PLCE1: variants seen among roughly 807,000 people sequenced by gnomAD.
PLCE1 encodes the protein phospholipase C epsilon 1, also known as 1-phosphatidylinositol 4,5-bisphosphate phosphodiesterase epsilon-1.
A neutral mutation model predicts 242.8 loss-of-function variants in PLCE1; 119 were observed. That is an observed-to-expected ratio of 0.49 (90% CI 0.42 to 0.57). The LOEUF (loss-of-function observed/expected upper bound fraction) is 0.57. Among genes scored for constraint, PLCE1 ranks in the 20% least tolerant of loss-of-function variants. The probability of loss-of-function intolerance (pLI) is 0.00; values close to 1 mark genes in which losing one functional copy is unlikely to be tolerated. For missense variants in PLCE1, 2,441 were observed against 2,788.8 expected (o/e 0.88, Z 2.81); for synonymous variants, 945 against 1,017.4 (o/e 0.93, Z 1.35).
chr10:94,192,716 G>A (rs769421580), intron 4 of PLCE1, among the ~76,000 whole-genome samples: 13 of 152,096 alleles, frequency 8.5e-5, no homozygotes, highest in Non-Finnish European at 1.6e-4. Context: ...TTGCTGGGTC[G>A]AATAGTAGTT....
At chr10:94,323,095 AAT>A (rs2053880742) in intron 30 of PLCE1, among the ~76,000 whole-genome samples, 1 of 152,182 alleles carries the variant, frequency 6.6e-6, no homozygotes, top group Non-Finnish European at 1.5e-5. Flanking sequence ...CTGCAGTGAC[AAT>A]GTCATGGTCC....
At chr10:94,107,986 G>A (rs1564695454) in intron 2 of PLCE1, 1 of 152,168 alleles carries the variant, frequency 6.6e-6, no homozygotes, top group Non-Finnish European at 1.5e-5. Context: ...GATGGACTGT[G>A]GATCTAACCA....
chr10:94,230,982 T>A (rs1241610137), intron 5 of PLCE1, among the ~76,000 whole-genome samples: 2 of 152,046 alleles, frequency 1.3e-5, no homozygotes, highest in African/African-American at 2.4e-5. Flanking sequence ...AAACTGTCTA[T>A]CCCTAATAAC....
chr10:94,161,161 T>C (rs999266190), intron 3 of PLCE1, among the ~76,000 whole-genome samples: 1 of 152,236 alleles, frequency 6.6e-6, no homozygotes, highest in Admixed American at 6.5e-5. Context: ...TGGTTCCATA[T>C]GAACTTAAAA....
chr10:94,272,439 C>G (rs769562929), intron 18 of PLCE1, among the ~76,000 whole-genome samples: 1 of 152,104 alleles, frequency 6.6e-6, no homozygotes, highest in Non-Finnish European at 1.5e-5. Flanking sequence ...TCCCTAAAAT[C>G]GCTGTTATTC....
At chr10:94,252,011 C>G (rs938970551) in intron 8 of PLCE1, among the ~76,000 whole-genome samples, 1 of 152,134 alleles carries the variant, frequency 6.6e-6, no homozygotes, top group Non-Finnish European at 1.5e-5. Context: ...AATGAATTTT[C>G]CTACAGTGGT....
In PLCE1 at chr10:94,127,206, G is replaced by A. The variant is rs1323575797; in HGVS notation, c.1207-4968G>A. On this transcript the variant is annotated intron_variant, in intron 2 of 32. Coordinates refer to ENST00000371380, the MANE Select transcript of PLCE1 (RefSeq NM_016341.4). Reference sequence around the variant, plus strand: ...TAGCAAAGGACTCCCAAAACGTACCGACTTTTCACAACAATCATTTATTTA... The same window carrying A: ...TAGCAAAGGACTCCCAAAACGTACCAACTTTTCACAACAATCATTTATTTA... Among the ~76,000 whole-genome samples, 10 of 152,296 alleles carry A rather than the reference G, an allele frequency of 6.6e-5. No homozygotes were observed. In the East Asian group the frequency reaches 1.3e-3, roughly 21 times the overall value.
At chr10:94,046,454 G>T (rs1401985351) in intron 2 of PLCE1, among the ~76,000 whole-genome samples, 1 of 152,172 alleles carries the variant, frequency 6.6e-6, no homozygotes, top group Non-Finnish European at 1.5e-5. Flanking sequence ...CATCAGCACT[G>T]CAAGGGCCTT....
intron 3 of PLCE1, among the ~76,000 whole-genome samples, chr10:94,161,479 T>C (rs1195971639): frequency 6.6e-6 from 1 of 152,236 alleles, no homozygotes; most frequent in Non-Finnish European, 1.5e-5. Context: ...TGTATAAGAA[T>C]ACTTGTAATT....
intron 2 of PLCE1, among the ~76,000 whole-genome samples, chr10:94,122,384 G>C (rs976097440): frequency 1.3e-5 from 2 of 152,100 alleles, no homozygotes; most frequent in African/African-American, 4.8e-5. Flanking sequence ...TTTTCGAGAG[G>C]CTCCCTTGGC....
rs944765770 is a variant in PLCE1 at position 94,235,918 on chromosome 10, G to C, written c.2218G>C (p.Val740Leu). ...YNSQEETLEF[V>L]ADYSGQDNFL... ...AATTCTCGATTTTTTTTTGTAGTTTGTAGCAGATTACAGTGGACAAGATAA... is the reference window on the plus strand; with the variant it reads ...AATTCTCGATTTTTTTTTGTAGTTTCTAGCAGATTACAGTGGACAAGATAA... The change falls in exon 7 of 33, where the codon GTA (valine) becomes CTA (leucine). Residue 740 changes from valine (V) to leucine (L), a missense_variant. Physicochemically the swap from Val to Leu is conservative, Grantham distance 32 (BLOSUM62 1). This residue lies in a region of PLCE1 where 733 missense variants were observed against 754.2 expected (regional missense o/e 0.97). Transcript: ENST00000371380. 6.2e-7 allele frequency: 1 copy of C among 1,612,566 alleles called. No individual in the cohort carries two copies. Among genetic ancestry groups the C allele is most frequent in the Admixed American group, 1.7e-5 (1 of 59,988 alleles).
intron 24 of PLCE1, among the ~76,000 whole-genome samples, chr10:94,300,670 A>G (rs2053002162): frequency 6.6e-6 from 1 of 152,212 alleles, no homozygotes; most frequent in Admixed American, 6.5e-5. Context: ...GTTGAGGCAG[A>G]TTATCTCTGT....
intron 2 of PLCE1, among the ~76,000 whole-genome samples, chr10:94,073,992 A>G (rs2044432139): frequency 6.6e-6 from 1 of 152,162 alleles, no homozygotes; most frequent in Admixed American, 6.5e-5. Context: ...ATTGAGTTTC[A>G]GTCCCTTGTC....
At chr10:94,171,144 T>G in intron 3 of PLCE1, 36 bp from the exon 4 acceptor site, 1 of 1,576,690 alleles carries the variant, frequency 6.3e-7, no homozygotes, top group Non-Finnish European at 8.7e-7. Context: ...GGACACCAGA[T>G]TTGATGTAAC....
intron 7 of PLCE1, among the ~76,000 whole-genome samples, chr10:94,243,977 C>T (rs963733942): frequency 6.6e-6 from 1 of 152,140 alleles, no homozygotes; most frequent in Non-Finnish European, 1.5e-5. Context: ...TACAGAATTA[C>T]ATTGCATGAA....
chr10:94,202,829 A>G (rs1368541974), intron 4 of PLCE1, among the ~76,000 whole-genome samples: 1 of 152,158 alleles, frequency 6.6e-6, no homozygotes, highest in Non-Finnish European at 1.5e-5. Context: ...ACCTCAGGGG[A>G]TTAAGTCTGT....
At chr10:94,051,217 G>A (rs1013779402) in intron 2 of PLCE1, among the ~76,000 whole-genome samples, 35 of 124,710 alleles carry the variant, frequency 2.8e-4, no homozygotes, top group African/African-American at 1.1e-3. Context: ...TAAGATAAAA[G>A]CAAAATTCAA....
At chr10:94,045,788 C>T (rs2061870146) in intron 2 of PLCE1, among the ~76,000 whole-genome samples, 2 of 152,080 alleles carry the variant, frequency 1.3e-5, no homozygotes, top group African/African-American at 4.8e-5. Flanking sequence ...CTTATTTCAT[C>T]CTCTTCCCAG....
At chr10:94,133,609 C>A (rs1251907939) in intron 3 of PLCE1, among the ~76,000 whole-genome samples, 2 of 152,210 alleles carry the variant, frequency 1.3e-5, no homozygotes, top group African/African-American at 4.8e-5. Context: ...CCTACCCACA[C>A]ACACACCCCT....
Sources: gnomAD v4.1 joint callset for allele counts (sites outside exome capture counted in the v4.1 genomes callset) on GRCh38, gnomAD v4.1.1 for gene constraint, gnomAD v4.1.1 regional missense constraint, MANE v1.5 for transcripts, NCBI Gene and HGNC (gene_info 2026-07-23, HGNC 2026-07-21) for gene names.